PRDM5: variants seen among roughly 807,000 people sequenced by gnomAD.
PRDM5 encodes the protein PR domain zinc finger protein 5.
PRDM5 carries 56 observed loss-of-function variants against 81.2 expected under a neutral mutation model. That is an observed-to-expected ratio of 0.69 (90% CI 0.56 to 0.86). The LOEUF (loss-of-function observed/expected upper bound fraction) is 0.86, where lower values mean the gene tolerates loss of function less well. Among genes scored for constraint, PRDM5 ranks in the 40% least tolerant of loss-of-function variants. PRDM5 has a pLI of 0.00. For synonymous variants in PRDM5, 267 were observed against 256.4 expected, an observed-to-expected ratio of 1.04 and a Z score of -0.39; for missense variants, 697 against 770.1, an observed-to-expected ratio of 0.91 and a Z score of 1.12.
chr4:120,835,845 T>C (rs969778773), intron 3 of PRDM5, among the ~76,000 whole-genome samples: 1 of 151,930 alleles, frequency 6.6e-6, no homozygotes, highest in Admixed American at 6.5e-5. Context: ...ACTCAGAGGA[T>C]AGGTGGTTTC....
intron 14 of PRDM5, among the ~76,000 whole-genome samples, chr4:120,736,286 G>A (rs759457384): frequency 1.5e-4 from 22 of 151,082 alleles, no homozygotes; most frequent in Non-Finnish European, 2.2e-4. Context: ...TACTCAGGTT[G>A]ATTCCACATC....
intron 14 of PRDM5, among the ~76,000 whole-genome samples, chr4:120,720,471 G>T (rs979719573): frequency 1.3e-5 from 2 of 152,136 alleles, no homozygotes. Context: ...TTTAGAGGAG[G>T]GTTTGCAAGT....
chr4:120,862,909 C>T (rs530147261), intron 2 of PRDM5, among the ~76,000 whole-genome samples: 24 of 151,944 alleles, frequency 1.6e-4, no homozygotes, highest in Non-Finnish European at 3.1e-4. Context: ...CTGTAATCTC[C>T]GCACTTTGAG....
intron 2 of PRDM5, among the ~76,000 whole-genome samples, chr4:120,887,416 C>T (rs1763558854): frequency 6.6e-6 from 1 of 152,190 alleles, no homozygotes; most frequent in South Asian, 2.1e-4. Flanking sequence ...GGTCTCCCTG[C>T]TCCACTCTTG....
At chr4:120,852,859 G>A (rs1759437926) in intron 3 of PRDM5, among the ~76,000 whole-genome samples, 1 of 145,328 alleles carries the variant, frequency 6.9e-6, no homozygotes, top group African/African-American at 2.6e-5. Flanking sequence ...AAGTGGAACA[G>A]CATCTTCATG....
chr4:120,839,617 G>A (rs568174623), intron 3 of PRDM5, among the ~76,000 whole-genome samples: 1 of 152,308 alleles, frequency 6.6e-6, no homozygotes, highest in East Asian at 1.9e-4. Flanking sequence ...GCCCAGAAAA[G>A]GCACCACAAG....
At chr4:120,796,940 G>A (rs1175103110) in intron 10 of PRDM5, among the ~76,000 whole-genome samples, 1 of 152,082 alleles carries the variant, frequency 6.6e-6, no homozygotes, top group Non-Finnish European at 1.5e-5. Context: ...AAATCAATAA[G>A]CAAGTATTTT....
intron 2 of PRDM5, among the ~76,000 whole-genome samples, chr4:120,865,681 C>T (rs998432555): frequency 1.5e-4 from 23 of 152,188 alleles, no homozygotes; most frequent in African/African-American, 5.5e-4. Flanking sequence ...TCAACATGTC[C>T]ACAGTTCCAC....
chr4:120,781,405 T>C (rs1427703905), intron 11 of PRDM5, 102 bp from the exon 12 acceptor site: 9 of 1,042,884 alleles, frequency 8.6e-6, no homozygotes, highest in Non-Finnish European at 1.2e-5. Context: ...GTTGGCTTTG[T>C]AGCTCTAAGA....
At chr4:120,690,855 T>C (rs1378245229), downstream of PRDM5, among the ~76,000 whole-genome samples, 2 of 152,150 alleles carry the variant, frequency 1.3e-5, no homozygotes, top group Non-Finnish European at 1.5e-5. Context: ...AGTGGTCCTA[T>C]ATGCTTTCTT....
intron 5 of PRDM5, 115 bp from the exon 6 acceptor site, chr4:120,817,039 G>C: frequency 1.1e-6 from 1 of 908,296 alleles, no homozygotes; most frequent in South Asian, 1.4e-5. Context: ...TTTTTTCATT[G>C]TCTTTTGCCT....
chr4:120,768,001 G>A (rs1013750441), intron 13 of PRDM5, among the ~76,000 whole-genome samples: 3 of 152,196 alleles, frequency 2.0e-5, no homozygotes, highest in African/African-American at 7.2e-5. Flanking sequence ...GGAACTGTGA[G>A]TCCGTTAAAC....
chr4:120,704,476 C>T (rs1390246135), intron 15 of PRDM5, among the ~76,000 whole-genome samples: 1 of 152,154 alleles, frequency 6.6e-6, no homozygotes. Context: ...TTTATTCTTA[C>T]TCTAGACTGG....
intron 3 of PRDM5, among the ~76,000 whole-genome samples, chr4:120,846,118 A>G (rs1758623506): frequency 6.6e-6 from 1 of 152,240 alleles, no homozygotes; most frequent in Non-Finnish European, 1.5e-5. Flanking sequence ...TTCCTTCGAT[A>G]GAATCTACTC....
At chr4:120,688,101 T>C (rs1174833236), downstream of PRDM5, among the ~76,000 whole-genome samples, 2 of 152,120 alleles carry the variant, frequency 1.3e-5, no homozygotes, top group East Asian at 1.9e-4. Context: ...CCACCTATAG[T>C]GCACAGTGCT....
At chr4:120,882,313 A>G (rs548274896) in intron 2 of PRDM5, among the ~76,000 whole-genome samples, 30 of 152,138 alleles carry the variant, frequency 2.0e-4, no homozygotes, top group African/African-American at 7.0e-4. Flanking sequence ...ACACCCAGCT[A>G]ATTTTTGTAT....
intron 13 of PRDM5, among the ~76,000 whole-genome samples, chr4:120,765,055 T>C (rs541686861): frequency 7.2e-5 from 11 of 152,266 alleles, no homozygotes; most frequent in Middle Eastern, 6.8e-3. Context: ...TTTAAAGCTA[T>C]TGTTTTTATA....
chr4:120,909,143 G>C (rs144776669), intron 1 of PRDM5, among the ~76,000 whole-genome samples: 1 of 152,142 alleles, frequency 6.6e-6, no homozygotes, highest in Admixed American at 6.5e-5. Flanking sequence ...CTTGATTAAG[G>C]TCAATCAGGT....
intron 14 of PRDM5, among the ~76,000 whole-genome samples, chr4:120,728,988 A>C (rs1164883579): frequency 6.6e-6 from 1 of 152,226 alleles, no homozygotes; most frequent in East Asian, 1.9e-4. Context: ...AGAAGCTAGG[A>C]AACTGAAGCC....
Sources: gnomAD v4.1 joint callset for allele counts (sites outside exome capture counted in the v4.1 genomes callset) on GRCh38, gnomAD v4.1.1 for gene constraint, MANE v1.5 for transcripts, NCBI Gene and HGNC (gene_info 2026-07-23, HGNC 2026-07-21) for gene names.